CPEB3: variants seen among roughly 807,000 people sequenced by gnomAD.
CPEB3 encodes cytoplasmic polyadenylation element binding protein 3, also known as cytoplasmic polyadenylation element-binding protein 3.
In CPEB3, 20 loss-of-function variants were observed where a neutral mutation model predicts 67.2. The observed-to-expected ratio is 0.30, with a 90% CI of 0.21 to 0.43. The LOEUF (loss-of-function observed/expected upper bound fraction) is 0.43, where lower values mean the gene tolerates loss of function less well. Ranked by LOEUF, CPEB3 falls within the 20% of genes least tolerant of loss-of-function variation. The pLI, the probability that CPEB3 is intolerant of heterozygous loss-of-function variation, is 1.00. For synonymous variants in CPEB3, 376 were observed against 393.1 expected, an observed-to-expected ratio of 0.96 and a Z score of 0.51; for missense variants, 746 against 968.6, an observed-to-expected ratio of 0.77 and a Z score of 3.05.
chr10:92,081,157 T>TCAA (rs1255519224), intron 9 of CPEB3, among the ~76,000 whole-genome samples, 163 bp downstream of exon 9: 1 of 152,162 alleles, frequency 6.6e-6, no homozygotes, highest in Non-Finnish European at 1.5e-5. Context: ...GCCTTAAATA[T>TCAA]CAACAGTGCT....
chr10:92,269,454 T>C (rs1193417843), intron 1 of CPEB3, among the ~76,000 whole-genome samples: 1 of 152,164 alleles, frequency 6.6e-6, no homozygotes, highest in African/African-American at 2.4e-5. Flanking sequence ...AAATAAACAA[T>C]CTTCATGTTC....
intron 6 of CPEB3, chr10:92,137,476 G>A (rs1038691412): frequency 7.4e-6 from 9 of 1,220,842 alleles, no homozygotes; most frequent in Admixed American, 2.0e-5. Flanking sequence ...CAACACCCAG[G>A]TGGTTTTGCT....
At chr10:92,080,273 C>T (rs866376476) in intron 9 of CPEB3, among the ~76,000 whole-genome samples, 11 of 151,926 alleles carry the variant, frequency 7.2e-5, no homozygotes, top group African/African-American at 2.7e-4. Flanking sequence ...ATACAGGGTC[C>T]AGATTGGCTC....
At chr10:92,149,293 A>C (rs1276093220) in intron 4 of CPEB3, among the ~76,000 whole-genome samples, 1 of 152,234 alleles carries the variant, frequency 6.6e-6, no homozygotes, top group Non-Finnish European at 1.5e-5. Flanking sequence ...TGACTTCTCT[A>C]AGATACCTAT....
At chr10:92,070,680 G>A (rs1269779891) in intron 9 of CPEB3, among the ~76,000 whole-genome samples, 1 of 152,028 alleles carries the variant, frequency 6.6e-6, no homozygotes, top group Non-Finnish European at 1.5e-5. Context: ...CGGAGGCTGA[G>A]GTGGGAGAAT....
chr10:92,198,665 A>T (rs1237424019), intron 2 of CPEB3, among the ~76,000 whole-genome samples: 1 of 152,204 alleles, frequency 6.6e-6, no homozygotes, highest in African/African-American at 2.4e-5. Flanking sequence ...GCACTGGACT[A>T]AATGGTTTAA....
At chr10:92,107,913 A>G (rs1192494106) in intron 7 of CPEB3, among the ~76,000 whole-genome samples, 1 of 152,186 alleles carries the variant, frequency 6.6e-6, no homozygotes, top group African/African-American at 2.4e-5. Flanking sequence ...CTGATGAAAA[A>G]TATCTCCCTA....
chr10:92,253,470 A>C (rs575371810), intron 1 of CPEB3, among the ~76,000 whole-genome samples: 25 of 150,548 alleles, frequency 1.7e-4, no homozygotes, highest in African/African-American at 6.1e-4. Context: ...AAACAAAAAA[A>C]AAAAAAAAAA....
intron 1 of CPEB3, among the ~76,000 whole-genome samples, chr10:92,256,371 G>T (rs1852512113): frequency 6.6e-6 from 1 of 151,548 alleles, no homozygotes; most frequent in Non-Finnish European, 1.5e-5. Context: ...CTTGCCATGA[G>T]GATAAAATAC....
chr10:92,182,784 C>T (rs1431005977), intron 3 of CPEB3, among the ~76,000 whole-genome samples: 2 of 149,840 alleles, frequency 1.3e-5, no homozygotes, highest in Non-Finnish European at 3.0e-5. Context: ...CGAGATTGCG[C>T]CACTGTACTC....
intron 6 of CPEB3, among the ~76,000 whole-genome samples, chr10:92,132,072 TA>T (rs1385703573): frequency 2.6e-5 from 4 of 152,208 alleles, no homozygotes; most frequent in Non-Finnish European, 5.9e-5. Flanking sequence ...TCTCTACATT[TA>T]AAACAAAACT....
intron 7 of CPEB3, among the ~76,000 whole-genome samples, chr10:92,102,752 G>A (rs1564781334): frequency 6.6e-6 from 1 of 152,066 alleles, no homozygotes; most frequent in East Asian, 1.9e-4. Flanking sequence ...CTCTCTAAAG[G>A]CTTTTCTGAC....
intron 1 of CPEB3, among the ~76,000 whole-genome samples, chr10:92,245,193 A>C (rs1041894787): frequency 7.5e-6 from 1 of 134,054 alleles, no homozygotes; most frequent in Non-Finnish European, 1.5e-5. Context: ...GCTGGAGTGC[A>C]GTGGTGTGAT....
At chr10:92,061,419 CA>C (rs148327302) in intron 9 of CPEB3, among the ~76,000 whole-genome samples, 45,977 of 93,698 alleles carry the variant, frequency 0.49, 8,265 homozygotes, top group Admixed American at 0.53. Context: ...AATTCTGTCT[CA>C]AAAAAAAAAA....
intron 4 of CPEB3, among the ~76,000 whole-genome samples, chr10:92,167,403 G>A (rs534028797): frequency 9.8e-5 from 15 of 152,296 alleles, no homozygotes; most frequent in Admixed American, 3.3e-4. Context: ...TGAGAGGTGT[G>A]CAACTCTTTC....
At chr10:92,166,972 G>A (rs180781910) in intron 4 of CPEB3, among the ~76,000 whole-genome samples, 2 of 152,326 alleles carry the variant, frequency 1.3e-5, no homozygotes, top group Admixed American at 6.5e-5. Flanking sequence ...TTCTCCATCA[G>A]TACTTGTTGC....
Position 92,096,013 on chromosome 10 carries a change from T to A in CPEB3, c.1573-4069A>T, listed in dbSNP as rs960973229. Among the ~76,000 whole-genome samples the A allele has an allele frequency of 7.4e-5, 11 of 148,860 alleles. No homozygotes were observed. The East Asian group carries it at 2.0e-3, about 27-fold the overall frequency. On this transcript the variant is annotated intron_variant, in intron 7 of 9. Transcript: ENST00000265997. ...GCCTCAGCCTCCTGAGTAGCTAGAG[T>A]GTGCCACCACACCTGGCTGATTTTT...
intron 2 of CPEB3, chr10:92,216,301 T>A: frequency 1.3e-6 from 2 of 1,567,906 alleles, no homozygotes; most frequent in Non-Finnish European, 1.7e-6. Context: ...CTGGGCAGCC[T>A]CCCTGGGACT....
intron 2 of CPEB3, among the ~76,000 whole-genome samples, chr10:92,218,085 C>T (rs939666870): frequency 3.9e-5 from 6 of 152,060 alleles, no homozygotes; most frequent in African/African-American, 1.2e-4. Flanking sequence ...ACGCTGCAGC[C>T]TGGGTAAAAG....
Sources: gnomAD v4.1 joint callset for allele counts (sites outside exome capture counted in the v4.1 genomes callset) on GRCh38, gnomAD v4.1.1 for gene constraint, MANE v1.5 for transcripts, NCBI Gene and HGNC (gene_info 2026-07-23, HGNC 2026-07-21) for gene names.